The following ADCY1 variants were observed in gnomAD, a reference collection of about 807,000 sequenced individuals.
ADCY1 encodes adenylate cyclase type 1.
ADCY1 carries 28 observed loss-of-function variants against 105.4 expected under a neutral mutation model. The ratio of observed to expected loss-of-function variants is 0.27; its 90% confidence interval spans 0.20 to 0.36. The LOEUF (loss-of-function observed/expected upper bound fraction) is 0.36, where lower values mean the gene tolerates loss of function less well. Among genes scored for constraint, ADCY1 ranks in the 10% least tolerant of loss-of-function variants. The pLI is 1.00. For synonymous variants in ADCY1, 655 were observed against 623.8 expected (o/e 1.05, Z -0.75); for missense variants, 977 against 1,434.2 (o/e 0.68, Z 5.15).
chr7:45,657,684 T>C (rs745661059), intron 5 of ADCY1, 43 bp from the exon 6 acceptor site: 4 of 1,586,678 alleles, frequency 2.5e-6, no homozygotes, highest in South Asian at 1.1e-5. Context: ...CCTGGGAGGA[T>C]ACAAGGTGGG....
chr7:45,592,008 G>T (rs1283843119), intron 1 of ADCY1, among the ~76,000 whole-genome samples: 1 of 151,938 alleles, frequency 6.6e-6, no homozygotes, highest in Admixed American at 6.6e-5. Flanking sequence ...TTGTGCTGGT[G>T]CTCACTGTGT....
intron 4 of ADCY1, among the ~76,000 whole-genome samples, chr7:45,640,225 T>C (rs376611081): frequency 2.0e-5 from 3 of 152,174 alleles, no homozygotes; most frequent in East Asian, 3.9e-4. Context: ...GGGAGAAATA[T>C]CTACAGCAGG....
At chr7:45,696,608 A>G (rs796681392) in intron 14 of ADCY1, among the ~76,000 whole-genome samples, 6 of 152,070 alleles carry the variant, frequency 3.9e-5, no homozygotes, top group African/African-American at 4.8e-5. Flanking sequence ...TGTGCTGGCA[A>G]CACGTGCTCA....
At chr7:45,697,485 G>T (rs1327382773) in intron 14 of ADCY1, among the ~76,000 whole-genome samples, 1 of 151,104 alleles carries the variant, frequency 6.6e-6, no homozygotes, top group African/African-American at 2.4e-5. Context: ...CTCCCTCCCG[G>T]GTTCAAGTGA....
At chr7:45,667,289 C>G (rs1274006825) in intron 8 of ADCY1, among the ~76,000 whole-genome samples, 1 of 152,076 alleles carries the variant, frequency 6.6e-6, no homozygotes, top group Admixed American at 6.6e-5. Context: ...TTAATCCATC[C>G]TGAATTAATT....
At chr7:45,665,886 A>G (rs375638337) in intron 8 of ADCY1, among the ~76,000 whole-genome samples, 17 of 152,238 alleles carry the variant, frequency 1.1e-4, no homozygotes, top group African/African-American at 3.9e-4. Context: ...ATCTTTTTTC[A>G]CAAATGTCTT....
At chr7:45,672,680 C>T (rs1178622295) in intron 8 of ADCY1, among the ~76,000 whole-genome samples, 1 of 152,054 alleles carries the variant, frequency 6.6e-6, no homozygotes, top group African/African-American at 2.4e-5. Flanking sequence ...GTGGAACTCA[C>T]TAATTTGTTC....
Position 45,591,323 on chromosome 7 carries a change from C to T in ADCY1, c.640-1436C>T, listed in dbSNP as rs1262391315. Among the ~76,000 whole-genome samples, 1 of 152,250 alleles carries T rather than the reference C, an allele frequency of 6.6e-6. No homozygotes were observed. Among genetic ancestry groups the T allele is most frequent in the Non-Finnish European group, 1.5e-5 (1 of 68,044 alleles). On this transcript the variant is annotated intron_variant, in intron 1 of 19. Coordinates refer to ENST00000297323, the MANE Select transcript of ADCY1 (RefSeq NM_021116.4). The surrounding 1 kb of genome is among the most constrained non-coding windows in gnomAD (Gnocchi z 4.1). ...GGGGGCCCCATCCTGCTGCCTGTAG[C>T]TTGGCCCGATCAGGGTGACACCCAT... is the stretch of plus-strand genomic sequence containing the variant.
chr7:45,599,416 C>T (rs966716955), intron 2 of ADCY1, among the ~76,000 whole-genome samples: 4 of 150,808 alleles, frequency 2.7e-5, no homozygotes, highest in African/African-American at 9.8e-5. Flanking sequence ...CCTCAGTCAC[C>T]GCCTTCTGCT....
intron 4 of ADCY1, among the ~76,000 whole-genome samples, chr7:45,646,092 G>A (rs189426814): frequency 1.3e-4 from 20 of 152,156 alleles, no homozygotes; most frequent in East Asian, 1.2e-3. Context: ...GTGTCTGACC[G>A]TTGGGGACAT....
chr7:45,720,679 T>C lies in ADCY1; in HGVS notation c.*6684T>C, dbSNP rs1336572314. Reference sequence around the variant, plus strand: ...TCCTTCTACCCGTCACCAGATTCAATATGTTCTATTAATACACCGATAACC... The same window carrying C: ...TCCTTCTACCCGTCACCAGATTCAACATGTTCTATTAATACACCGATAACC... On this transcript the variant is annotated 3_prime_UTR_variant, in exon 20 of 20. Coordinates refer to ENST00000297323, the MANE Select transcript of ADCY1 (RefSeq NM_021116.4). The C allele has an allele frequency of 6.6e-6, 1 of 152,172 alleles. No homozygotes were observed. The highest frequency in any genetic ancestry group is 1.9e-4 in the East Asian group (1 of 5,176). The allele number at this position is 152,172 out of a possible 1,614,324, so 9.4% of individuals were successfully genotyped here.
chr7:45,669,578 G>A (rs1784326475), intron 8 of ADCY1, among the ~76,000 whole-genome samples: 1 of 152,170 alleles, frequency 6.6e-6, no homozygotes, highest in African/African-American at 2.4e-5. Context: ...AATAGGTGTG[G>A]TGTGGTGCTG....
At chr7:45,697,440 G>A (rs1454631704) in intron 14 of ADCY1, among the ~76,000 whole-genome samples, 1 of 145,602 alleles carries the variant, frequency 6.9e-6, no homozygotes, top group East Asian at 2.1e-4. Context: ...GCCCAGGTTG[G>A]AGTGCAATGG....
intron 6 of ADCY1, 111 bp from the exon 7 acceptor site, chr7:45,659,931 G>A: frequency 1.5e-6 from 2 of 1,374,228 alleles, no homozygotes; most frequent in Non-Finnish European, 2.0e-6. Context: ...CGTGGAGCCT[G>A]CCCTGGTGTG....
intron 17 of ADCY1, among the ~76,000 whole-genome samples, chr7:45,705,821 A>G (rs1272664796): frequency 6.6e-6 from 1 of 152,204 alleles, no homozygotes; most frequent in African/African-American, 2.4e-5. Context: ...CAATAACAGA[A>G]AAAAGCCCCT....
intron 2 of ADCY1, among the ~76,000 whole-genome samples, chr7:45,596,249 C>T (rs1439557512): frequency 1.3e-5 from 2 of 152,244 alleles, no homozygotes; most frequent in Non-Finnish European, 2.9e-5. Flanking sequence ...GACACATTTC[C>T]ATTCAGCACC....
intron 7 of ADCY1, 151 bp downstream of exon 7, chr7:45,660,334 C>G: frequency 1.8e-6 from 2 of 1,121,276 alleles, no homozygotes; most frequent in Non-Finnish European, 2.5e-6. Flanking sequence ...CCACTGACAC[C>G]GTCCTGAGCC....
rs1785434356 is a variant in ADCY1, at chr7:45,719,806, T to A, written c.*5811T>A. 1 of 152,212 alleles carries A rather than the reference T, an allele frequency of 6.6e-6. No homozygotes were observed. The highest frequency in any genetic ancestry group is 6.5e-5 in the Admixed American group (1 of 15,284). 9.4% of individuals were successfully genotyped at this position (152,212 alleles called of 1,614,324 possible). On this transcript the variant is annotated 3_prime_UTR_variant, in exon 20 of 20. Coordinates refer to ENST00000297323, the MANE Select transcript of ADCY1 (RefSeq NM_021116.4). ...GGGCATTTGGGGAACCATCCCCGAA[T>A]GCCCTGATGTGATTTCCCTCAGAAA...
At position 45,718,508 on chromosome 7, in the gene ADCY1, G is replaced by A. The variant is rs1321237011; in HGVS notation, c.*4513G>A. ...AGGCCTTCAAATTGAGCTTGGGGGT[G>A]TCCAAGAGAGGGGTCTTATTCGAGG... On this transcript the variant is annotated 3_prime_UTR_variant, in exon 20 of 20. Coordinates refer to ENST00000297323, the MANE Select transcript of ADCY1 (RefSeq NM_021116.4). 6.6e-6 allele frequency: 1 copy of A among 152,260 alleles called. No homozygotes were observed. Among genetic ancestry groups the A allele is most frequent in the Non-Finnish European group, 1.5e-5 (1 of 68,106 alleles). 9.4% of individuals were successfully genotyped at this position (152,260 alleles called of 1,614,324 possible). A position where few individuals can be genotyped will look rare whatever the true frequency, so the allele number is the denominator to read the frequency against.
Sources: allele counts gnomAD v4.1 joint callset (sites outside exome capture counted in the v4.1 genomes callset), GRCh38; gene constraint gnomAD v4.1.1; non-coding constraint Gnocchi (gnomAD v3.1); transcripts MANE v1.5; gene names NCBI Gene and HGNC (gene_info 2026-07-23, HGNC 2026-07-21).